GLTP: variants seen among roughly 807,000 people sequenced by gnomAD.
GLTP encodes the protein glycolipid transfer protein.
In GLTP, 22 loss-of-function variants were observed where a neutral mutation model predicts 24.0. That is an observed-to-expected ratio of 0.92 (90% CI 0.65 to 1.31). GLTP has a LOEUF of 1.31. Ranked by LOEUF, GLTP falls within the 50% of genes most tolerant of loss-of-function variation. The pLI, the probability that GLTP is intolerant of heterozygous loss-of-function variation, is 0.00. For missense variants in GLTP, 224 were observed against 276.6 expected (o/e 0.81, Z 1.35); for synonymous variants, 92 against 115.9 (o/e 0.79, Z 1.33).
chr12:109,855,752 T>C lies in GLTP; in HGVS notation c.314A>G (p.Gln105Arg), dbSNP rs1183364715. The change falls in exon 4 of 5, where the codon CAG becomes CGG. Residue 105 changes from glutamine (Q) to arginine (R), a missense_variant. Coordinates refer to ENST00000318348, the MANE Select transcript of GLTP (RefSeq NM_016433.4). The surrounding 1 kb of genome is among the most constrained non-coding windows in gnomAD (Gnocchi z 4.1). ...GTCGCAGATGCTCTGGAGGAAGACC[T>C]GGATGAAGCGGAGGCCTCTGTGGCC... ...MWLKRGLRFI[Q>R]VFLQSICDGE... 5 of 1,602,638 alleles carry C rather than the reference T, an allele frequency of 3.1e-6. No homozygotes were observed. The highest frequency in any genetic ancestry group is 2.2e-5 in the South Asian group (2 of 89,670).
Position 109,855,001 on chromosome 12 carries a change from C to T in GLTP, c.447+618G>A, listed in dbSNP as rs774377381. On this transcript the variant is annotated intron_variant, in intron 4 of 4. Coordinates refer to ENST00000318348, the MANE Select transcript of GLTP (RefSeq NM_016433.4). The surrounding 1 kb of genome is among the most constrained non-coding windows in gnomAD (Gnocchi z 4.1). ...GGCCAGAACAGGCCGGGCAGGAACA[C>T]GTGGGTGAGATGAGGGCAGCAAGCA... is the stretch of plus-strand genomic sequence containing the variant. Among the ~76,000 whole-genome samples the T allele has an allele frequency of 6.6e-6, 1 of 152,208 alleles. No individual in the cohort carries two copies. Among genetic ancestry groups the T allele is most frequent in the African/African-American group, 2.4e-5 (1 of 41,460 alleles).
intron 1 of GLTP, 126 bp from the exon 2 acceptor site, chr12:109,858,867 G>A: frequency 1.4e-6 from 1 of 708,712 alleles, no homozygotes; most frequent in South Asian, 1.5e-5. Flanking sequence ...GAGTTGTTCT[G>A]GATGTTACTA....
intron 1 of GLTP, among the ~76,000 whole-genome samples, chr12:109,865,107 C>A (rs1868483609): frequency 6.6e-6 from 1 of 152,190 alleles, no homozygotes; most frequent in South Asian, 2.1e-4. Context: ...CAGAATGCAG[C>A]CTTAACCCCA....
Position 109,876,780 on chromosome 12 carries a change from TTTATTTA to T in GLTP, c.103+3485_103+3491del, listed in dbSNP as rs1171447804. ...AAAGCAGGTTATACTTATTTGTTTA[TTTATTTA>T]TTTGAGACAGGGTCTCACTCTGTCA... On this transcript the variant is annotated intron_variant, in intron 1 of 4. Coordinates refer to ENST00000318348, the MANE Select transcript of GLTP (RefSeq NM_016433.4). Among the ~76,000 whole-genome samples, 14 of 152,352 alleles carry T rather than the reference TTTATTTA, an allele frequency of 9.2e-5. No individual in the cohort carries two copies. The South Asian group carries it at 1.4e-3, about 16-fold the overall frequency.
chr12:109,872,617 C>G (rs970565139), intron 1 of GLTP, among the ~76,000 whole-genome samples: 9 of 152,188 alleles, frequency 5.9e-5, no homozygotes, highest in Non-Finnish European at 1.3e-4. Context: ...CAGCACGGCA[C>G]CAGCACACAG....
At chr12:109,873,942 G>A (rs1472485945) in intron 1 of GLTP, among the ~76,000 whole-genome samples, 1 of 152,172 alleles carries the variant, frequency 6.6e-6, no homozygotes, top group Admixed American at 6.5e-5. Flanking sequence ...CCAGCTTGGC[G>A]GGCTGTTTAT....
chr12:109,862,611 G>A (rs926091561), intron 1 of GLTP, among the ~76,000 whole-genome samples: 1 of 152,166 alleles, frequency 6.6e-6, no homozygotes, highest in African/African-American at 2.4e-5. Context: ...TGAGCTGGAC[G>A]TGGTGGCATG....
rs574817555 is a variant in GLTP at position 109,879,508 on chromosome 12, C to T, written c.103+764G>A. Among the ~76,000 whole-genome samples, 13 of 152,246 alleles carry T rather than the reference C, an allele frequency of 8.5e-5. 1 individual carries two copies. Among genetic ancestry groups the T allele is most frequent in the African/African-American group, 2.9e-4 (12 of 41,556 alleles). On this transcript the variant is annotated intron_variant, in intron 1 of 4. Coordinates refer to ENST00000318348, the MANE Select transcript of GLTP (RefSeq NM_016433.4). ...CACACGACATACAGGGGAGGGGCTT[C>T]CTCTCGTAGAGCCCAAACTGAGGGA...
intron 1 of GLTP, among the ~76,000 whole-genome samples, chr12:109,871,468 C>A (rs1273445684): frequency 6.6e-6 from 1 of 152,190 alleles, no homozygotes; most frequent in African/African-American, 2.4e-5. Flanking sequence ...CCCTCCTCCC[C>A]TACAAGGGAC....
chr12:109,863,672 T>C (rs545712845), intron 1 of GLTP, among the ~76,000 whole-genome samples: 9 of 152,346 alleles, frequency 5.9e-5, no homozygotes, highest in Admixed American at 2.6e-4. Context: ...TCAGTTCCCC[T>C]GTTTATAAAA....
Position 109,852,509 on chromosome 12 carries a change from TC to T in GLTP, c.*45del, listed in dbSNP as rs1400475086. 3 of 1,276,964 alleles carry T rather than the reference TC, an allele frequency of 2.3e-6. No individual in the cohort carries two copies. The African/African-American group carries it at 4.4e-5, about 19-fold the overall frequency. 79.1% of individuals were successfully genotyped at this position (1,276,964 alleles called of 1,614,324 possible). ...TCACAGTGATTCTGGTTTGCCTGTT[TC>T]TCCATGTGGCCACGAGTCGGGGACG... On this transcript the variant is annotated 3_prime_UTR_variant, in exon 5 of 5. Transcript: ENST00000318348.
At chr12:109,866,410 A>G (rs556466291) in intron 1 of GLTP, 1 of 152,412 alleles carries the variant, frequency 6.6e-6, no homozygotes, top group South Asian at 2.1e-4. Context: ...ACACCCAATC[A>G]GTGTAGCACA....
At chr12:109,879,414 G>C (rs564132207) in intron 1 of GLTP, among the ~76,000 whole-genome samples, 45 of 152,286 alleles carry the variant, frequency 3.0e-4, no homozygotes, top group African/African-American at 9.1e-4. Flanking sequence ...GGCTGGACTG[G>C]GCTAGGCTGA....
At chr12:109,858,208 T>C (rs1373175328) in intron 2 of GLTP, 2 of 457,318 alleles carry the variant, frequency 4.4e-6, no homozygotes, top group East Asian at 6.9e-5. Context: ...AAAAAGGGGA[T>C]AACACAGGAC....
At chr12:109,863,362 T>A (rs1304142770) in intron 1 of GLTP, among the ~76,000 whole-genome samples, 2 of 152,366 alleles carry the variant, frequency 1.3e-5, no homozygotes, top group African/African-American at 4.8e-5. Flanking sequence ...TGTTACACCT[T>A]TGTTTTTTAA....
intron 4 of GLTP, among the ~76,000 whole-genome samples, chr12:109,854,679 A>G (rs1042394507): frequency 1.3e-5 from 2 of 152,208 alleles, no homozygotes; most frequent in Non-Finnish European, 2.9e-5. Context: ...GGCCAGGTAC[A>G]CAGGACACAC....
At chr12:109,856,669 G>A (rs1892800396) in intron 3 of GLTP, among the ~76,000 whole-genome samples, 1 of 152,160 alleles carries the variant, frequency 6.6e-6, no homozygotes, top group Admixed American at 6.5e-5. Context: ...GTGCTCTAAG[G>A]GGCAGGAGCA....
chr12:109,877,649 G>A (rs1868929162), intron 1 of GLTP, among the ~76,000 whole-genome samples: 1 of 152,148 alleles, frequency 6.6e-6, no homozygotes, highest in South Asian at 2.1e-4. Flanking sequence ...TGACTTGGAG[G>A]AAACTGTAGC....
chr12:109,879,750 T>A (rs1048451190), intron 1 of GLTP, among the ~76,000 whole-genome samples: 2 of 152,036 alleles, frequency 1.3e-5, no homozygotes, highest in Non-Finnish European at 2.9e-5. Context: ...TGATCTGGAA[T>A]GGGCGAATTC....
Sources: gnomAD v4.1 joint callset for allele counts (sites outside exome capture counted in the v4.1 genomes callset) on GRCh38, gnomAD v4.1.1 for gene constraint, Gnocchi (gnomAD v3.1) non-coding constraint, MANE v1.5 for transcripts, NCBI Gene and HGNC (gene_info 2026-07-23, HGNC 2026-07-21) for gene names.